GRIK2: variants seen among roughly 807,000 people sequenced by gnomAD.
GRIK2 encodes the protein glutamate ionotropic receptor kainate type subunit 2, also known as glutamate receptor ionotropic, kainate 2.
Under a neutral mutation model 100.3 loss-of-function variants are expected in GRIK2, and 32 were observed. The ratio of observed to expected loss-of-function variants is 0.32; its 90% confidence interval spans 0.24 to 0.43. The LOEUF is 0.43. Ranked by LOEUF, GRIK2 falls within the 20% of genes least tolerant of loss-of-function variation. The probability of loss-of-function intolerance (pLI) is 1.00; values close to 1 mark genes in which losing one functional copy is unlikely to be tolerated. For missense variants in GRIK2, 843 were observed against 1,114.9 expected (o/e 0.76, Z 3.47); for synonymous variants, 417 against 389.4 (o/e 1.07, Z -0.83).
chr6:101,734,306 A>G (rs1775486671), intron 7 of GRIK2, among the ~76,000 whole-genome samples: 1 of 152,200 alleles, frequency 6.6e-6, no homozygotes, highest in Admixed American at 6.5e-5. Flanking sequence ...AAGCCAGCAG[A>G]CTCAAAACCT....
intron 7 of GRIK2, among the ~76,000 whole-genome samples, chr6:101,705,896 A>C (rs1773256963): frequency 6.6e-6 from 1 of 151,964 alleles, no homozygotes; most frequent in Admixed American, 6.6e-5. Context: ...AACAATAAAA[A>C]AACAAATCAG....
chr6:101,690,607 C>G (rs529553288), intron 7 of GRIK2, among the ~76,000 whole-genome samples: 1 of 151,974 alleles, frequency 6.6e-6, no homozygotes, highest in African/African-American at 2.4e-5. Flanking sequence ...GGCTCCTCAT[C>G]ATTTACTAGG....
At chr6:101,987,770 T>C (rs1794100687) in intron 14 of GRIK2, among the ~76,000 whole-genome samples, 1 of 151,524 alleles carries the variant, frequency 6.6e-6, no homozygotes, top group East Asian at 1.9e-4. Flanking sequence ...ATTTGTAATA[T>C]GTGTAGGTAA....
intron 14 of GRIK2, among the ~76,000 whole-genome samples, chr6:102,001,050 T>C (rs558089788): frequency 6.6e-6 from 1 of 152,198 alleles, no homozygotes; most frequent in East Asian, 1.9e-4. Context: ...AAAATATAGA[T>C]ACTTCAGGAT....
intron 14 of GRIK2, among the ~76,000 whole-genome samples, chr6:102,015,893 T>G (rs1236375769): frequency 6.6e-6 from 1 of 152,190 alleles, no homozygotes; most frequent in Non-Finnish European, 1.5e-5. Context: ...AGTCCTGATC[T>G]GAGCCTTGGC....
At chr6:101,606,451 T>C (rs1779440553) in intron 2 of GRIK2, among the ~76,000 whole-genome samples, 1 of 151,978 alleles carries the variant, frequency 6.6e-6, no homozygotes, top group Non-Finnish European at 1.5e-5. Context: ...AGCATTGTGC[T>C]GGGCGCTGGA....
chr6:102,064,871 G>T lies in GRIK2; in HGVS notation c.2563-3476G>T, dbSNP rs890613701. Among the ~76,000 whole-genome samples, 3 of 151,254 alleles carry T rather than the reference G, an allele frequency of 2.0e-5. No homozygotes were observed. In the East Asian group the frequency reaches 5.8e-4, roughly 29 times the overall value. On this transcript the variant is annotated intron_variant, in intron 16 of 16. Coordinates refer to ENST00000369134, the MANE Select transcript of GRIK2 (RefSeq NM_021956.5). Reference sequence around the variant, plus strand: ...TGATATCCTTGAATTTGTTTAATTTGCCATGTTAATTGTAAAATCTTGCTC... The same window carrying T: ...TGATATCCTTGAATTTGTTTAATTTTCCATGTTAATTGTAAAATCTTGCTC...
At chr6:101,481,952 C>T (rs575574522) in intron 2 of GRIK2, among the ~76,000 whole-genome samples, 1 of 152,268 alleles carries the variant, frequency 6.6e-6, no homozygotes, top group Middle Eastern at 3.4e-3. Flanking sequence ...CATTCTCCTT[C>T]CTGCTGCCCT....
chr6:101,756,236 G>C (rs1777127265), intron 7 of GRIK2, among the ~76,000 whole-genome samples: 1 of 152,104 alleles, frequency 6.6e-6, no homozygotes, highest in Non-Finnish European at 1.5e-5. Flanking sequence ...AAACAAATTA[G>C]AGTCAAGAAC....
At chr6:101,774,986 A>T (rs1044315228) in intron 7 of GRIK2, among the ~76,000 whole-genome samples, 1 of 152,186 alleles carries the variant, frequency 6.6e-6, no homozygotes, top group East Asian at 1.9e-4. Context: ...TGTATTGAAC[A>T]TCATTCCTTA....
At chr6:101,872,123 A>C in intron 11 of GRIK2, among the ~76,000 whole-genome samples, 1 of 151,990 alleles carries the variant, frequency 6.6e-6, no homozygotes, top group South Asian at 2.1e-4. Context: ...TAATAATTGT[A>C]TACTTCACAT....
At chr6:101,647,700 T>C (rs1229162876) in intron 4 of GRIK2, among the ~76,000 whole-genome samples, 1 of 152,038 alleles carries the variant, frequency 6.6e-6, no homozygotes, top group Non-Finnish European at 1.5e-5. Flanking sequence ...ATTTATTTGT[T>C]TTTAACTAAA....
chr6:101,975,781 G>GTCTGTCTGTCTGTCTATCTA (rs1176288077), intron 14 of GRIK2, among the ~76,000 whole-genome samples: 295 of 110,992 alleles, frequency 2.7e-3, no homozygotes, highest in Non-Finnish European at 3.9e-3. Flanking sequence ...GTGTCTATCT[G>GTCTGTCTGTCTGTCTATCTA]TCTGTCTGTC....
At chr6:101,875,851 T>C (rs1254831693) in intron 11 of GRIK2, among the ~76,000 whole-genome samples, 1 of 151,980 alleles carries the variant, frequency 6.6e-6, no homozygotes, top group African/African-American at 2.4e-5. Context: ...CATCTGCTAT[T>C]ATATTAGTTC....
rs371710638 is a variant in GRIK2, at chr6:101,775,760, A to AAT, written c.952-23879_952-23878dup. On this transcript the variant is annotated intron_variant, in intron 7 of 16. Transcript: ENST00000369134. Reference sequence around the variant, plus strand: ...GATTTCTTCATATATATATGGAAACAATATATATATGTGTGTATATGGAAA... The same window carrying AAT: ...GATTTCTTCATATATATATGGAAACAATATATATATATGTGTGTATATGGAAA... Among the ~76,000 whole-genome samples, 6 of 151,514 alleles carry AAT rather than the reference A, an allele frequency of 4.0e-5. No individual in the cohort carries two copies. The East Asian group carries it at 9.8e-4, about 25-fold the overall frequency.
At chr6:101,397,358 A>T (rs935371655) in intron 1 of GRIK2, among the ~76,000 whole-genome samples, 2 of 152,212 alleles carry the variant, frequency 1.3e-5, no homozygotes, top group Admixed American at 6.5e-5. Context: ...TGGGCTGTGT[A>T]TGTGTTTTAT....
chr6:102,035,253 A>C lies in GRIK2; in HGVS notation c.2086-88A>C, dbSNP rs554366298. On this transcript the variant is annotated intron_variant, in intron 14 of 16. Transcript: ENST00000369134. ...TATTAAGATGGTACAAGTAAAGTAA[A>C]TGTAGTTCATTGTGTCTAAGCATTA... 1.3e-3 allele frequency: 781 copies of C among 580,920 alleles called. 2 individuals are homozygous for C. Among genetic ancestry groups the C allele is most frequent in the Non-Finnish European group, 2.0e-3 (652 of 320,012 alleles). The allele number at this position is 580,920 out of a possible 1,614,324, so 36.0% of individuals were successfully genotyped here. A position where few individuals can be genotyped will look rare whatever the true frequency, so the allele number is the denominator to read the frequency against.
intron 11 of GRIK2, among the ~76,000 whole-genome samples, chr6:101,882,979 T>TA (rs896388207): frequency 6.6e-6 from 1 of 152,006 alleles, no homozygotes; most frequent in African/African-American, 2.4e-5. Flanking sequence ...TAGCAAAAAT[T>TA]AAAAATCATG....
At chr6:101,903,966 AT>A (rs1478820791) in intron 12 of GRIK2, among the ~76,000 whole-genome samples, 1 of 151,532 alleles carries the variant, frequency 6.6e-6, no homozygotes, top group Non-Finnish European at 1.5e-5. Flanking sequence ...TCTTTTAGGA[AT>A]TCACTATTAA....
Sources: allele counts gnomAD v4.1 joint callset (sites outside exome capture counted in the v4.1 genomes callset), GRCh38; gene constraint gnomAD v4.1.1; transcripts MANE v1.5; gene names NCBI Gene and HGNC (gene_info 2026-07-23, HGNC 2026-07-21).